Variants in HSPA4 observed in about 807,000 individuals in gnomAD.
HSPA4 encodes heat shock protein family A (Hsp70) member 4, also known as heat shock 70 kDa protein 4.
In HSPA4, 25 loss-of-function variants were observed where a neutral mutation model predicts 106.2. The ratio of observed to expected loss-of-function variants is 0.24; its 90% CI spans 0.17 to 0.33. HSPA4 has a LOEUF of 0.33. HSPA4 is among the 10% of genes least tolerant of loss of function. The probability of loss-of-function intolerance (pLI) is 1.00; values close to 1 mark genes in which losing one functional copy is unlikely to be tolerated. For synonymous variants in HSPA4, 332 were observed against 333.6 expected, an observed-to-expected ratio of 1.00 and a Z score of 0.05; for missense variants, 841 against 996.0, an observed-to-expected ratio of 0.84 and a Z score of 2.10.
At chr5:133,102,913 C>T (rs74855064) in intron 17 of HSPA4, among the ~76,000 whole-genome samples, 37 of 103,292 alleles carry the variant, frequency 3.6e-4, no homozygotes, top group South Asian at 6.4e-4. Flanking sequence ...CTAGGGTTGT[C>T]TTTTTTTTTT....
rs1318805220 is a variant in HSPA4, at chr5:133,070,438, A to G, written c.371A>G (p.Lys124Arg). 1 of 1,612,914 alleles carries G rather than the reference A, an allele frequency of 6.2e-7. No homozygotes were observed. Among genetic ancestry groups the G allele is most frequent in the Admixed American group, 1.7e-5 (1 of 59,646 alleles). ...TEQVTAMLLS[K>R]LKETAESVLK... ...CAAGTGACTGCCATGCTTTTGTCCA[A>G]ACTGAAGGAGACAGCCGAAAGTGTT... The change falls in exon 4 of 19, where the codon AAA (lysine) becomes AGA (arginine). Residue 124 changes from lysine to arginine, a missense_variant. By Grantham distance (26) the Lys-to-Arg change is conservative. Coordinates refer to ENST00000304858, the MANE Select transcript of HSPA4 (RefSeq NM_002154.4).
At chr5:133,062,257 C>T (rs1765254438) in intron 1 of HSPA4, among the ~76,000 whole-genome samples, 1 of 152,132 alleles carries the variant, frequency 6.6e-6, no homozygotes, top group Non-Finnish European at 1.5e-5. Context: ...GAAATTAACC[C>T]TTCAGCAGGA....
chr5:133,070,053 G>A (rs554748603), intron 3 of HSPA4, among the ~76,000 whole-genome samples: 3 of 151,982 alleles, frequency 2.0e-5, no homozygotes, highest in Admixed American at 2.0e-4. Flanking sequence ...TTTGCTCCCC[G>A]CTACTTGGGA....
chr5:133,092,804 G>GTTT lies in HSPA4; in HGVS notation c.1650+16_1650+17insTTT. Reference sequence around the variant, plus strand: ...AAGAAATGGAGGTATGCATTGGGTGGTGTTTTTTTTTTTTTTTTTTTTTTT... The same window carrying GTTT: ...AAGAAATGGAGGTATGCATTGGGTGGTTTTGTTTTTTTTTTTTTTTTTTTTTTT... On this transcript the variant is annotated intron_variant, in intron 13 of 18. Transcript: ENST00000304858. 1 of 717,736 alleles carries GTTT rather than the reference G, an allele frequency of 1.4e-6. No individual in the cohort carries two copies. Among genetic ancestry groups the GTTT allele is most frequent in the Non-Finnish European group, 2.1e-6 (1 of 467,176 alleles). 44.5% of individuals were successfully genotyped at this position (717,736 alleles called of 1,614,324 possible). A position where few individuals can be genotyped will look rare whatever the true frequency, so the allele number is the denominator to read the frequency against.
At chr5:133,071,027 A>T (rs560320098) in intron 4 of HSPA4, among the ~76,000 whole-genome samples, 84 of 152,220 alleles carry the variant, frequency 5.5e-4, no homozygotes, top group African/African-American at 2.0e-3. Flanking sequence ...AGGTGCATTC[A>T]TCTCAGCCTG....
At position 133,105,477 on chromosome 5, in the gene HSPA4, T is replaced by C. The variant is rs1765845086; in HGVS notation, c.*1041T>C. 1 of 152,216 alleles carries C rather than the reference T, an allele frequency of 6.6e-6. No homozygotes were observed. The highest frequency in any genetic ancestry group is 1.5e-5 in the Non-Finnish European group (1 of 68,042). 9.4% of individuals were successfully genotyped at this position (152,216 alleles called of 1,614,324 possible). The stretch of plus-strand genomic sequence containing the variant: ...TACTGGATGAGTCTGAAATTAGTGT[T>C]AAAGAAGTGTGGTGCCTGATGTTAT... On this transcript the variant is annotated 3_prime_UTR_variant, in exon 19 of 19. Coordinates refer to ENST00000304858, the MANE Select transcript of HSPA4 (RefSeq NM_002154.4).
chr5:133,061,653 T>A (rs1005342533), intron 1 of HSPA4, among the ~76,000 whole-genome samples: 4 of 151,238 alleles, frequency 2.6e-5, no homozygotes, highest in Non-Finnish European at 5.9e-5. Flanking sequence ...TGAGTCTTGC[T>A]CTCTTGCCCA....
At chr5:133,073,194 C>T in intron 4 of HSPA4, 36 bp from the exon 5 acceptor site, 1 of 1,321,620 alleles carries the variant, frequency 7.6e-7, no homozygotes. Context: ...AAATTAGAAT[C>T]TATAATACAG....
At chr5:133,103,605 G>C (rs576981213) in intron 17 of HSPA4, among the ~76,000 whole-genome samples, 13 of 152,090 alleles carry the variant, frequency 8.5e-5, no homozygotes, top group Admixed American at 4.6e-4. Flanking sequence ...TATAAATCGG[G>C]TGCTGCTGTT....
chr5:133,097,409 G>C (rs918590369), intron 15 of HSPA4, 123 bp downstream of exon 15: 2 of 759,216 alleles, frequency 2.6e-6, no homozygotes, highest in African/African-American at 3.5e-5. Context: ...TTTTTCTGGG[G>C]GGGGCAAAAT....
At chr5:133,097,399 T>G (rs1765725759) in intron 15 of HSPA4, 113 bp downstream of exon 15, 1 of 876,398 alleles carries the variant, frequency 1.1e-6, no homozygotes, top group Non-Finnish European at 1.7e-6. Context: ...AAAAATGGAG[T>G]TTTTCTGGGG....
chr5:133,099,769 TA>T, intron 16 of HSPA4, 117 bp downstream of exon 16: 1 of 509,186 alleles, frequency 2.0e-6, no homozygotes, highest in East Asian at 2.9e-5. Flanking sequence ...TTTGATGAAC[TA>T]AAATAAACCC....
In HSPA4 at chr5:133,092,647, T is replaced by C. The variant is rs576259817; in HGVS notation, c.1561-53T>C. The C allele has an allele frequency of 5.0e-5, 57 of 1,143,678 alleles. 1 individual carries two copies. The Middle Eastern group carries it at 1.2e-3, about 23-fold the overall frequency. The allele number at this position is 1,143,678 out of a possible 1,614,324, so 70.8% of individuals were successfully genotyped here. A position where few individuals can be genotyped will look rare whatever the true frequency, so the allele number is the denominator to read the frequency against. ...ACTATGTGACTTTGTCAATGTGTAA[T>C]GAAGGTTGTTTAGTCTTCCTAATTG... On this transcript the variant is annotated intron_variant, in intron 12 of 18. Coordinates refer to ENST00000304858, the MANE Select transcript of HSPA4 (RefSeq NM_002154.4).
chr5:133,084,729 C>T (rs1177212734), intron 7 of HSPA4, among the ~76,000 whole-genome samples: 1 of 152,102 alleles, frequency 6.6e-6, no homozygotes, highest in Non-Finnish European at 1.5e-5. Flanking sequence ...CTCAGCCTCC[C>T]GAAGTGCTGA....
intron 1 of HSPA4, among the ~76,000 whole-genome samples, chr5:133,060,293 TATTCATATC>T (rs1190382550): frequency 6.6e-6 from 1 of 152,152 alleles, no homozygotes; most frequent in Non-Finnish European, 1.5e-5. Flanking sequence ...TCTTTTTGAG[TATTCATATC>T]ATTTAAATAT....
chr5:133,087,520 A>C (rs1765590942), intron 8 of HSPA4, among the ~76,000 whole-genome samples: 1 of 152,242 alleles, frequency 6.6e-6, no homozygotes, highest in East Asian at 1.9e-4. Flanking sequence ...AAATGTGACC[A>C]GGAAATCAGG....
At chr5:133,090,881 C>G (rs1394266591) in intron 11 of HSPA4, among the ~76,000 whole-genome samples, 1 of 151,206 alleles carries the variant, frequency 6.6e-6, no homozygotes, top group Non-Finnish European at 1.5e-5. Context: ...GAGAATGTGA[C>G]AAATCTGTTT....
chr5:133,090,947 A>G, intron 11 of HSPA4: 1 of 516,978 alleles, frequency 1.9e-6, no homozygotes, highest in African/African-American at 1.9e-5. Flanking sequence ...AAATTGGAAG[A>G]AAGGAAAGAA....
At chr5:133,077,028 G>T (rs1410899948) in intron 7 of HSPA4, 130 bp downstream of exon 7, 18 of 832,446 alleles carry the variant, frequency 2.2e-5, no homozygotes, top group Non-Finnish European at 3.1e-5. Context: ...TTAAAAATTA[G>T]AAGCCATTCA....
Sources: allele counts gnomAD v4.1 joint callset (sites outside exome capture counted in the v4.1 genomes callset), GRCh38; gene constraint gnomAD v4.1.1; transcripts MANE v1.5; gene names NCBI Gene and HGNC (gene_info 2026-07-23, HGNC 2026-07-21).